DEFB131A: variants seen among roughly 807,000 people sequenced by gnomAD.
The protein encoded by DEFB131A is beta-defensin 131A.
DEFB131A carries 5 observed loss-of-function variants against 2.4 expected under a neutral mutation model. That is an observed-to-expected ratio of 2.12 (90% CI 1.11 to 4.47). The LOEUF (loss-of-function observed/expected upper bound fraction) is 4.47, where lower values mean the gene tolerates loss of function less well. Ranked by LOEUF, DEFB131A falls within the 30% of genes most tolerant of loss-of-function variation. The probability of loss-of-function intolerance (pLI) is 0.00; values close to 1 mark genes in which losing one functional copy is unlikely to be tolerated. For synonymous variants in DEFB131A, 34 were observed against 25.7 expected, an observed-to-expected ratio of 1.32 and a Z score of -0.97; for missense variants, 120 against 79.9, an observed-to-expected ratio of 1.50 and a Z score of -1.91.
chr4:9,448,119 C>T (rs576152361), intron 1 of DEFB131A, among the ~76,000 whole-genome samples: 2 of 139,752 alleles, frequency 1.4e-5, no homozygotes, highest in Non-Finnish European at 3.1e-5. Flanking sequence ...AAGATAAATA[C>T]AAAAAATTTA....
chr4:9,445,746 G>T lies in DEFB131A; in HGVS notation c.58+1155G>T, dbSNP rs545621280. On this transcript the variant is annotated intron_variant, in intron 1 of 1. Transcript: ENST00000334879. ...TTGCCTTAAAGTGTTCTATTCAGTG[G>T]TTATCAGTGTATTCTTAAAATTGTG... Among the ~76,000 whole-genome samples the T allele has an allele frequency of 2.6e-5, 4 of 152,048 alleles. No individual in the cohort carries two copies. The East Asian group carries it at 7.7e-4, about 29-fold the overall frequency.
At chr4:9,447,841 T>C (rs1172944834) in intron 1 of DEFB131A, among the ~76,000 whole-genome samples, 7 of 152,152 alleles carry the variant, frequency 4.6e-5, no homozygotes, top group Non-Finnish European at 7.3e-5. Context: ...CTCAGTAGAC[T>C]GATGTGATCA....
chr4:9,450,556 A>T lies in DEFB131A; in HGVS notation c.*42A>T, dbSNP rs769711582. ...TTCTTCAGACTCCGGGACAAAAAACATGTCTTAAACTCTCTTATCTATGAA... is the reference window on the plus strand; with the variant it reads ...TTCTTCAGACTCCGGGACAAAAAACTTGTCTTAAACTCTCTTATCTATGAA... On this transcript the variant is annotated 3_prime_UTR_variant, in exon 2 of 2. Transcript: ENST00000334879. The T allele has an allele frequency of 6.3e-6, 10 of 1,587,572 alleles. No individual in the cohort carries two copies. The highest frequency in any genetic ancestry group is 5.1e-6 in the Non-Finnish European group (6 of 1,166,318).
chr4:9,450,310 A>G (rs1717621863), intron 1 of DEFB131A, 50 bp from the exon 2 acceptor site: 1 of 1,428,376 alleles, frequency 7.0e-7, no homozygotes, highest in African/African-American at 1.4e-5. Flanking sequence ...ACATTTAACA[A>G]TAAAAAGTAA....
At chr4:9,447,676 G>A (rs1235749688) in intron 1 of DEFB131A, among the ~76,000 whole-genome samples, 4 of 151,234 alleles carry the variant, frequency 2.6e-5, no homozygotes, top group Non-Finnish European at 4.4e-5. Flanking sequence ...ATTGCATGAG[G>A]GCCATACCCT....
intron 1 of DEFB131A, among the ~76,000 whole-genome samples, chr4:9,445,829 CCT>C (rs1717479150): frequency 6.6e-6 from 1 of 152,128 alleles, no homozygotes; most frequent in South Asian, 2.1e-4. Context: ...AGAAATCTCT[CCT>C]CCTCCCAGTC....
chr4:9,449,608 A>C (rs1717599216), intron 1 of DEFB131A, among the ~76,000 whole-genome samples: 1 of 151,894 alleles, frequency 6.6e-6, no homozygotes. Flanking sequence ...AGAAAACATA[A>C]GGAGAACCTT....
Position 9,446,964 on chromosome 4 carries a change from T to C in DEFB131A, c.58+2373T>C, listed in dbSNP as rs191336494. Among the ~76,000 whole-genome samples the C allele has an allele frequency of 2.0e-5, 3 of 152,294 alleles. No individual in the cohort carries two copies. The East Asian group carries it at 5.8e-4, about 29-fold the overall frequency. ...TGTCTAGAATATACTTGATATAATG[T>C]TGATTTTTCAAAATTTGTTGAAACT... On this transcript the variant is annotated intron_variant, in intron 1 of 1. Transcript: ENST00000334879.
intron 1 of DEFB131A, 71 bp from the exon 2 acceptor site, chr4:9,450,289 A>C: frequency 7.4e-7 from 1 of 1,343,458 alleles, no homozygotes; most frequent in Non-Finnish European, 9.6e-7. Flanking sequence ...ATTTATTATA[A>C]AACATTTCAG....
At chr4:9,445,850 C>A (rs1407248089) in intron 1 of DEFB131A, among the ~76,000 whole-genome samples, 1 of 152,124 alleles carries the variant, frequency 6.6e-6, no homozygotes, top group Non-Finnish European at 1.5e-5. Context: ...TCCCTAGCAA[C>A]CACTGATCTA....
intron 1 of DEFB131A, among the ~76,000 whole-genome samples, chr4:9,445,470 A>G (rs1451750773): frequency 1.3e-5 from 2 of 152,088 alleles, no homozygotes; most frequent in Non-Finnish European, 2.9e-5. Flanking sequence ...ATTAATTTTA[A>G]AATTCATCAA....
At chr4:9,449,807 G>C (rs73098202) in intron 1 of DEFB131A, among the ~76,000 whole-genome samples, 4,464 of 152,172 alleles carry the variant, frequency 0.029, 133 homozygotes, top group South Asian at 0.079. Context: ...CTGGAACTAA[G>C]ACTCAACTCC....
chr4:9,445,756 T>C (rs1717476882), intron 1 of DEFB131A, among the ~76,000 whole-genome samples: 3 of 152,154 alleles, frequency 2.0e-5, no homozygotes, highest in Admixed American at 2.0e-4. Flanking sequence ...GTTATCAGTG[T>C]ATTCTTAAAA....
intron 1 of DEFB131A, 69 bp downstream of exon 1, chr4:9,444,660 G>C: frequency 6.6e-7 from 1 of 1,525,494 alleles, no homozygotes. Flanking sequence ...GGTCTTTCAA[G>C]AGTCTGAAAA....
intron 1 of DEFB131A, among the ~76,000 whole-genome samples, chr4:9,448,872 C>T (rs1282274160): frequency 6.6e-6 from 1 of 152,056 alleles, no homozygotes; most frequent in African/African-American, 2.4e-5. Context: ...TAAATGGCAT[C>T]CAAACAGTTG....
intron 1 of DEFB131A, among the ~76,000 whole-genome samples, chr4:9,448,106 C>T (rs997617334): frequency 1.5e-4 from 23 of 149,512 alleles, no homozygotes; most frequent in Middle Eastern, 3.4e-3. Flanking sequence ...GAGAATAACA[C>T]GCAAGATAAA....
intron 1 of DEFB131A, 137 bp downstream of exon 1, chr4:9,444,728 G>A (rs1181104932): frequency 1.2e-6 from 1 of 830,262 alleles, no homozygotes; most frequent in Non-Finnish European, 1.8e-6. Flanking sequence ...GGATTGAAGA[G>A]TTGATACTAA....
rs574865397 is a variant in DEFB131A at position 9,450,309 on chromosome 4, A to T, written c.59-51A>T. On this transcript the variant is annotated intron_variant, in intron 1 of 1. Coordinates refer to ENST00000334879, the MANE Select transcript of DEFB131A (RefSeq NM_001040448.3). ...TTATAAAACATTTCAGACATTTAAC[A>T]ATAAAAAGTAAGTAATATTGTGTCA... The T allele has an allele frequency of 5.8e-5, 82 of 1,424,596 alleles. 1 individual carries two copies. In the South Asian group the frequency reaches 1.3e-3, roughly 22 times the overall value. 88.2% of individuals were successfully genotyped at this position (1,424,596 alleles called of 1,614,324 possible).
At position 9,448,293 on chromosome 4, in the gene DEFB131A, A is replaced by T. The variant is rs571687173; in HGVS notation, c.59-2067A>T. On this transcript the variant is annotated intron_variant, in intron 1 of 1. Transcript: ENST00000334879. ...AAGCAAAAAGAGAGGAAAGTGAAAT[A>T]TTTAAAATGTTATAAAAGAAAAAAA... Among the ~76,000 whole-genome samples the T allele has an allele frequency of 7.9e-5, 12 of 152,042 alleles. No homozygotes were observed. In the East Asian group the frequency reaches 2.3e-3, roughly 29 times the overall value.
Sources: gnomAD v4.1 joint callset for allele counts (sites outside exome capture counted in the v4.1 genomes callset) on GRCh38, gnomAD v4.1.1 for gene constraint, MANE v1.5 for transcripts, NCBI Gene and HGNC (gene_info 2026-07-23, HGNC 2026-07-21) for gene names.